The following CUL4A variants were observed in gnomAD, a reference collection of about 807,000 sequenced individuals.
CUL4A encodes the protein cullin 4A.
Under a neutral mutation model 95.5 loss-of-function variants are expected in CUL4A, and 16 were observed. The observed-to-expected ratio is 0.17, with a 90% CI of 0.11 to 0.25. The LOEUF is 0.25. CUL4A is among the 10% of genes least tolerant of loss of function. The probability of loss-of-function intolerance (pLI) is 1.00; values close to 1 mark genes in which losing one functional copy is unlikely to be tolerated. For synonymous variants in CUL4A, 380 were observed against 353.1 expected, an observed-to-expected ratio of 1.08 and a Z score of -0.85; for missense variants, 610 against 937.0, an observed-to-expected ratio of 0.65 and a Z score of 4.56.
At chr13:113,229,344 A>T (rs1379385543) in intron 4 of CUL4A, 102 bp from the exon 5 acceptor site, 140 of 911,502 alleles carry the variant, frequency 1.5e-4, no homozygotes. Flanking sequence ...GACAGGAAAC[A>T]GCTGTTGGAT....
chr13:113,229,703 C>G (rs1479996311), intron 5 of CUL4A, 184 bp downstream of exon 5: 1 of 570,200 alleles, frequency 1.8e-6, no homozygotes, highest in African/African-American at 1.9e-5. Flanking sequence ...CACCAGGTGT[C>G]TAGCCAGCAG....
intron 7 of CUL4A, among the ~76,000 whole-genome samples, chr13:113,234,688 C>T (rs1018328031): frequency 6.6e-6 from 1 of 152,206 alleles, no homozygotes; most frequent in African/African-American, 2.4e-5. Context: ...CTTGCTTTTG[C>T]TGACCCAGCT....
intron 5 of CUL4A, 137 bp downstream of exon 5, chr13:113,229,656 G>A (rs776325784): frequency 6.0e-5 from 42 of 695,556 alleles, no homozygotes; most frequent in Non-Finnish European, 8.8e-5. Context: ...AATCATTAAC[G>A]TGAACGTAGG....
At chr13:113,228,279 C>T (rs1293040534) in intron 4 of CUL4A, among the ~76,000 whole-genome samples, 3 of 152,192 alleles carry the variant, frequency 2.0e-5, no homozygotes. Context: ...TGACAGGGTT[C>T]TTAGATGCCT....
chr13:113,243,175 G>T lies in CUL4A; in HGVS notation c.1228+15G>T, dbSNP rs767386049. ...AGAACTGATCGGTAGAAAAATATTTGTTTTTTTTGTTTGTTTGTTTTTGAG... is the reference window on the plus strand; with the variant it reads ...AGAACTGATCGGTAGAAAAATATTTTTTTTTTTTGTTTGTTTGTTTTTGAG... On this transcript the variant is annotated intron_variant, in intron 11 of 19. Transcript: ENST00000375440. The T allele has an allele frequency of 2.5e-6, 4 of 1,569,668 alleles. No individual in the cohort carries two copies. Among genetic ancestry groups the T allele is most frequent in the Non-Finnish European group, 2.6e-6 (3 of 1,150,428 alleles).
intron 18 of CUL4A, among the ~76,000 whole-genome samples, chr13:113,256,198 C>T (rs1044631571): frequency 4.6e-5 from 7 of 152,164 alleles, no homozygotes; most frequent in Non-Finnish European, 8.8e-5. Flanking sequence ...CATATGGCAC[C>T]TGTCAGGGCC....
chr13:113,247,817 C>G (rs2041894349), intron 15 of CUL4A, among the ~76,000 whole-genome samples: 1 of 152,232 alleles, frequency 6.6e-6, no homozygotes, highest in Non-Finnish European at 1.5e-5. Context: ...TTCCCAAGAA[C>G]ATAAGCACCT....
chr13:113,209,021 C>G (rs1595318351), upstream of CUL4A: 9 of 418,854 alleles, frequency 2.1e-5, no homozygotes, highest in South Asian at 1.1e-4. Context: ...GCCAGGGCCT[C>G]GGGGCGCGCG....
chr13:113,236,706 C>G (rs1442619946), intron 8 of CUL4A, 117 bp from the exon 9 acceptor site: 14 of 604,886 alleles, frequency 2.3e-5, no homozygotes, highest in Non-Finnish European at 2.9e-6. Flanking sequence ...TCTTAACCTT[C>G]CGTTTCTGAT....
In CUL4A at chr13:113,262,793, TTGCTGATGGCAGATGTCGGATCTGCCTCG is replaced by T. The variant is rs1475284161; in HGVS notation, c.2185-693_2185-665del. Reference sequence around the variant, plus strand: ...GGGTCTGCCTCACTTATACGTGCCCTTGCTGATGGCAGATGTCGGATCTGCCTCGCTTATACGTGCCCTTGCTGATGGCA... The same window carrying T: ...GGGTCTGCCTCACTTATACGTGCCCTCTTATACGTGCCCTTGCTGATGGCA... On this transcript the variant is annotated intron_variant, in intron 19 of 19. Transcript: ENST00000375440. 161 of 152,374 alleles carry T rather than the reference TTGCTGATGGCAGATGTCGGATCTGCCTCG, an allele frequency of 1.1e-3. 5 individuals are homozygous for T. The highest frequency in any genetic ancestry group is 6.8e-3 in the Middle Eastern group (2 of 294). The allele number at this position is 152,374 out of a possible 1,614,324, so 9.4% of individuals were successfully genotyped here.
At chr13:113,230,716 G>T (rs910102083) in intron 5 of CUL4A, among the ~76,000 whole-genome samples, 1 of 152,080 alleles carries the variant, frequency 6.6e-6, no homozygotes, top group Non-Finnish European at 1.5e-5. Context: ...AAAATAACTT[G>T]CCCTACCTCA....
Position 113,245,963 on chromosome 13 carries a change from A to G in CUL4A, c.1538A>G (p.Gln513Arg). ...TGGATTTCTCTGTTTTAGCATATGC[A>G]GAATCAGAGTGACTCAGGCCCTATA... ...DIMVHFKQHMQNQSDSGPIDL... is the reference protein window; with the variant it reads ...DIMVHFKQHMRNQSDSGPIDL... Residue 513 changes from glutamine (Q) to arginine (R), a missense_variant, in exon 15 of 20, where the codon CAG (glutamine) becomes CGG (arginine). By Grantham distance (43) the Gln-to-Arg change is conservative (BLOSUM62 1). Around this residue, in one of 10 missense-constraint regions of CUL4A, gnomAD observed 44 missense variants for 75.6 expected, o/e 0.58. Transcript: ENST00000375440. 6.2e-7 allele frequency: 1 copy of G among 1,609,964 alleles called. No individual in the cohort carries two copies. Among genetic ancestry groups the G allele is most frequent in the Non-Finnish European group, 8.5e-7 (1 of 1,176,842 alleles).
intron 11 of CUL4A, among the ~76,000 whole-genome samples, chr13:113,244,064 C>T (rs2041794117): frequency 6.6e-6 from 1 of 152,208 alleles, no homozygotes; most frequent in Non-Finnish European, 1.5e-5. Context: ...TTCATGACAC[C>T]AGATCCTAGA....
At chr13:113,240,192 C>G (rs1236316364) in intron 10 of CUL4A, among the ~76,000 whole-genome samples, 1 of 152,088 alleles carries the variant, frequency 6.6e-6, no homozygotes, top group Non-Finnish European at 1.5e-5. Flanking sequence ...ACCACCCCAC[C>G]AAGGGGACAT....
intron 2 of CUL4A, among the ~76,000 whole-genome samples, chr13:113,218,464 G>T (rs1446833287): frequency 6.6e-6 from 1 of 152,130 alleles, no homozygotes; most frequent in South Asian, 2.1e-4. Context: ...TGATGGGAAG[G>T]TGGTCACTGA....
intron 5 of CUL4A, chr13:113,230,016 G>A (rs1049726246): frequency 7.3e-5 from 18 of 246,344 alleles, no homozygotes; most frequent in African/African-American, 2.7e-4. Context: ...CAGCGTTCGC[G>A]GCCACGGACC....
At chr13:113,245,859 G>A in intron 14 of CUL4A, 97 bp from the exon 15 acceptor site, 1 of 933,488 alleles carries the variant, frequency 1.1e-6, no homozygotes, top group Non-Finnish European at 1.6e-6. Context: ...TAACACAGAT[G>A]AAACTTTATA....
At chr13:113,215,041 G>T (rs972556267) in intron 2 of CUL4A, among the ~76,000 whole-genome samples, 1 of 149,810 alleles carries the variant, frequency 6.7e-6, no homozygotes, top group African/African-American at 2.5e-5. Flanking sequence ...GGCTGTGGAC[G>T]TCTTGTCTAT....
chr13:113,236,283 C>T (rs1311520780), intron 8 of CUL4A, among the ~76,000 whole-genome samples: 1 of 152,128 alleles, frequency 6.6e-6, no homozygotes, highest in Non-Finnish European at 1.5e-5. Flanking sequence ...CCATGTTGTG[C>T]TTCCTTCCAA....
Sources: gnomAD v4.1 joint callset for allele counts (sites outside exome capture counted in the v4.1 genomes callset) on GRCh38, gnomAD v4.1.1 for gene constraint, gnomAD v4.1.1 regional missense constraint, MANE v1.5 for transcripts, NCBI Gene and HGNC (gene_info 2026-07-23, HGNC 2026-07-21) for gene names.